RPA3: variants seen among roughly 807,000 people sequenced by gnomAD.
RPA3 encodes replication protein A 14 kDa subunit.
In RPA3, 24 loss-of-function variants were observed where a neutral mutation model predicts 13.7. The ratio of observed to expected loss-of-function variants is 1.75; its 90% CI spans 1.27 to 2.46. The LOEUF is 2.46. RPA3 is among the 30% of genes most tolerant of loss of function. RPA3 has a pLI of 0.00. For missense variants in RPA3, 183 were observed against 151.0 expected, an observed-to-expected ratio of 1.21 and a Z score of -1.11; for synonymous variants, 59 against 51.2, an observed-to-expected ratio of 1.15 and a Z score of -0.65.
intron 4 of RPA3, chr7:7,673,591 A>G (rs1779666235): frequency 3.3e-6 from 2 of 604,930 alleles, no homozygotes; most frequent in African/African-American, 1.8e-5. Flanking sequence ...AAAGCGTAAA[A>G]TCTGTAAAGA....
chr7:7,709,585 T>C (rs1222394311), intron 2 of RPA3, among the ~76,000 whole-genome samples: 5 of 152,214 alleles, frequency 3.3e-5, no homozygotes, highest in Non-Finnish European at 7.3e-5. Context: ...GGGATAAGAA[T>C]GGTTTGTCAG....
At chr7:7,692,916 C>T (rs778565439) in intron 2 of RPA3, among the ~76,000 whole-genome samples, 1 of 152,048 alleles carries the variant, frequency 6.6e-6, no homozygotes, top group Non-Finnish European at 1.5e-5. Context: ...CAAAATGTGG[C>T]TTTTAAAATG....
intron 4 of RPA3, among the ~76,000 whole-genome samples, chr7:7,648,670 G>A (rs1785151752): frequency 6.6e-6 from 1 of 151,654 alleles, no homozygotes; most frequent in Non-Finnish European, 1.5e-5. Context: ...GGGCAACATG[G>A]TGAAAGCCCA....
intron 4 of RPA3, 99 bp downstream of exon 4, chr7:7,685,731 T>A (rs1212313243): frequency 1.3e-5 from 2 of 152,228 alleles, no homozygotes; most frequent in African/African-American, 2.4e-5. Context: ...TTCCGTACTA[T>A]TCTAAAGCTT....
chr7:7,684,073 C>T (rs1361386323), intron 4 of RPA3, among the ~76,000 whole-genome samples: 2 of 152,196 alleles, frequency 1.3e-5, no homozygotes, highest in Non-Finnish European at 2.9e-5. Flanking sequence ...TACATCCTCC[C>T]ATATACTTTA....
chr7:7,657,263 GC>G (rs74816535), intron 4 of RPA3, among the ~76,000 whole-genome samples: 54,766 of 151,892 alleles, frequency 0.36, 10,645 homozygotes, highest in East Asian at 0.8. Flanking sequence ...TCTGTAGGTT[GC>G]CAGTTCACTC....
chr7:7,642,133 C>G (rs993715274), intron 4 of RPA3, among the ~76,000 whole-genome samples: 2 of 151,962 alleles, frequency 1.3e-5, no homozygotes, highest in Admixed American at 6.6e-5. Flanking sequence ...ACATCAATGT[C>G]TTTAATAGCA....
intron 2 of RPA3, among the ~76,000 whole-genome samples, chr7:7,700,616 G>T (rs781697843): frequency 2.0e-5 from 3 of 152,050 alleles, no homozygotes; most frequent in African/African-American, 7.2e-5. Context: ...GGCCGGGCGC[G>T]GTGGCTCACG....
rs1785165289 is a variant in RPA3 at position 7,649,174 on chromosome 7, A to AG, written c.-757-8000_-757-7999insC. On this transcript the variant is annotated intron_variant, in intron 4 of 7. Transcript: ENST00000223129. ...ACTCCATCTCAAAAAAAAAAAAAAA[A>AG]AAAAAGAAAAGAAAAGAATAAAAAA... Among the ~76,000 whole-genome samples the AG allele has an allele frequency of 3.5e-5, 5 of 144,078 alleles. 1 individual carries two copies. The highest frequency in any genetic ancestry group is 2.1e-4 in the Admixed American group (3 of 14,124). The allele number at this position is 144,078 out of a possible 152,430, so 94.5% of individuals were successfully genotyped here.
rs7794570 is a variant in RPA3, at chr7:7,690,316, T to C, written c.-1027-2988A>G. On this transcript the variant is annotated intron_variant, in intron 2 of 7. Coordinates refer to ENST00000223129, the MANE Select transcript of RPA3 (RefSeq NM_002947.5). Reference sequence around the variant, plus strand: ...TAAGCATGGAAGTTCAGGAGAAAAATTGAAGTGTATATGTTTCCTTTTACC... The same window carrying C: ...TAAGCATGGAAGTTCAGGAGAAAAACTGAAGTGTATATGTTTCCTTTTACC... Among the ~76,000 whole-genome samples the C allele has an allele frequency of 2.5e-3, 379 of 152,046 alleles. 1 individual carries two copies. Among genetic ancestry groups the C allele is most frequent in the African/African-American group, 8.8e-3 (363 of 41,458 alleles).
chr7:7,698,822 A>G (rs1330806757), intron 2 of RPA3, among the ~76,000 whole-genome samples: 1 of 150,746 alleles, frequency 6.6e-6, no homozygotes, highest in African/African-American at 2.4e-5. Flanking sequence ...AAACCAGACC[A>G]TGACATTTCT....
intron 4 of RPA3, among the ~76,000 whole-genome samples, chr7:7,645,915 A>T (rs748808312): frequency 1.3e-5 from 2 of 151,932 alleles, no homozygotes; most frequent in Non-Finnish European, 2.9e-5. Context: ...GTTATAAGAC[A>T]GGAGAATTCC....
intron 2 of RPA3, among the ~76,000 whole-genome samples, chr7:7,708,985 GTGTGGGA>G (rs747335508): frequency 6.6e-6 from 1 of 151,976 alleles, no homozygotes; most frequent in Non-Finnish European, 1.5e-5. Flanking sequence ...AAGGGAGAAA[GTGTGGGA>G]GGAAAAGAGG....
intron 2 of RPA3, among the ~76,000 whole-genome samples, chr7:7,702,303 G>T (rs2115155766): frequency 1.3e-5 from 2 of 152,258 alleles, no homozygotes; most frequent in East Asian, 3.9e-4. Context: ...AGGGACTAGA[G>T]TTCCTATGCT....
intron 4 of RPA3, among the ~76,000 whole-genome samples, chr7:7,679,926 A>G (rs1417568062): frequency 2.0e-5 from 3 of 151,824 alleles, no homozygotes; most frequent in Non-Finnish European, 2.9e-5. Context: ...TTCCTTATAT[A>G]TACTGATTGT....
chr7:7,652,652 G>A (rs538347049), intron 4 of RPA3, among the ~76,000 whole-genome samples: 3 of 152,342 alleles, frequency 2.0e-5, no homozygotes, highest in Admixed American at 6.5e-5. Context: ...TTTGGAGAAA[G>A]TGACTTGTCT....
At chr7:7,670,422 C>T (rs954784481) in intron 4 of RPA3, among the ~76,000 whole-genome samples, 1 of 152,138 alleles carries the variant, frequency 6.6e-6, no homozygotes, top group African/African-American at 2.4e-5. Flanking sequence ...GTCACATGGC[C>T]ACATCTAACT....
rs186164271 is a variant in RPA3, at chr7:7,668,906, C to T, written c.-758+16924G>A. On this transcript the variant is annotated intron_variant, in intron 4 of 7. Coordinates refer to ENST00000223129, the MANE Select transcript of RPA3 (RefSeq NM_002947.5). Reference sequence around the variant, plus strand: ...CAGGAAACCACTCTATTGCAGGGCACTCACACACCCACCCACACTCACTCA... The same window carrying T: ...CAGGAAACCACTCTATTGCAGGGCATTCACACACCCACCCACACTCACTCA... 2.2e-3 allele frequency among the ~76,000 whole-genome samples: 342 copies of T among 152,296 alleles called. 2 individuals carry two copies. Among genetic ancestry groups the T allele is most frequent in the Non-Finnish European group, 2.6e-3 (179 of 68,036 alleles).
chr7:7,687,836 A>T (rs1035429614), intron 2 of RPA3, among the ~76,000 whole-genome samples: 16 of 152,186 alleles, frequency 1.1e-4, no homozygotes, highest in Admixed American at 4.6e-4. Context: ...TGCTCTGAAA[A>T]TTTTAAGTAT....
Sources: gnomAD v4.1 joint callset for allele counts (sites outside exome capture counted in the v4.1 genomes callset) on GRCh38, gnomAD v4.1.1 for gene constraint, MANE v1.5 for transcripts, NCBI Gene and HGNC (gene_info 2026-07-23, HGNC 2026-07-21) for gene names.